Variants in PPP1R16A observed in about 807,000 individuals in gnomAD.
The protein encoded by PPP1R16A is myosin phosphatase-targeting subunit 3.
In PPP1R16A, 39 loss-of-function variants were observed where a neutral mutation model predicts 46.6. The observed-to-expected ratio is 0.84, with a 90% confidence interval of 0.65 to 1.09. The LOEUF (loss-of-function observed/expected upper bound fraction) is 1.09, where lower values mean the gene tolerates loss of function less well. PPP1R16A is among the 50% of genes least tolerant of loss of function. The pLI, the probability that PPP1R16A is intolerant of heterozygous loss-of-function variation, is 0.00. For missense variants in PPP1R16A, 798 were observed against 735.6 expected, an observed-to-expected ratio of 1.08 and a Z score of -0.98; for synonymous variants, 413 against 321.5, an observed-to-expected ratio of 1.28 and a Z score of -3.04.
chr8:144,501,726 A>G lies in PPP1R16A; in HGVS notation c.1410A>G (p.Arg470=), dbSNP rs754312657. 9 of 1,587,506 alleles carry G rather than the reference A, an allele frequency of 5.7e-6. No homozygotes were observed. The highest frequency in any genetic ancestry group is 6.0e-6 in the Non-Finnish European group (7 of 1,168,350). Residue 470 remains arginine, a synonymous_variant, in exon 12 of 12, where the codon CGA becomes CGG. Coordinates refer to ENST00000435887, the MANE Select transcript of PPP1R16A (RefSeq NM_001329443.2). Reference sequence around the variant, plus strand: ...AGCGAGCTGCTGCCAAGCTGCAGCGACCCCCACCTGAGGGGCCCGAGAGCC... The same window carrying G: ...AGCGAGCTGCTGCCAAGCTGCAGCGGCCCCCACCTGAGGGGCCCGAGAGCC... ...KRQRAAAKLQ[R]PPPEGPESPE...
intron 2 of PPP1R16A, among the ~76,000 whole-genome samples, chr8:144,490,492 C>T (rs1343201784): frequency 2.8e-5 from 4 of 145,098 alleles, no homozygotes; most frequent in African/African-American, 5.0e-5. Context: ...GGTGACAGAG[C>T]GAGACCCTGT....
chr8:144,478,323 G>A (rs1242425268), intron 1 of PPP1R16A, 196 bp downstream of exon 1: 3 of 378,580 alleles, frequency 7.9e-6, no homozygotes, highest in Non-Finnish European at 1.4e-5. Context: ...CGAAGGGAGA[G>A]AGGAGGCTGG....
chr8:144,484,531 G>A (rs1286507332), intron 1 of PPP1R16A, among the ~76,000 whole-genome samples: 1 of 152,246 alleles, frequency 6.6e-6, no homozygotes, highest in African/African-American at 2.4e-5. Flanking sequence ...CTTTTCAAAT[G>A]CAGATGCCTC....
At chr8:144,497,623 G>A (rs772309288) in intron 3 of PPP1R16A, 170 bp downstream of exon 3, 14 of 924,754 alleles carry the variant, frequency 1.5e-5, no homozygotes, top group Non-Finnish European at 2.2e-5. Context: ...CCCCCATCAG[G>A]CAAGCCCCAA....
intron 11 of PPP1R16A, 75 bp downstream of exon 11, chr8:144,501,369 C>T: frequency 6.7e-7 from 1 of 1,501,084 alleles, no homozygotes; most frequent in Non-Finnish European, 8.9e-7. Context: ...CCGCTTGGAC[C>T]CCCTCCTGCC....
chr8:144,500,031 C>T (rs1826330863), intron 5 of PPP1R16A, 65 bp from the exon 6 acceptor site: 2 of 1,522,488 alleles, frequency 1.3e-6, no homozygotes, highest in Non-Finnish European at 1.8e-6. Flanking sequence ...GGGACTTCTC[C>T]AAGTGAGGAG....
chr8:144,499,462 G>C (rs544976301), intron 5 of PPP1R16A: 12 of 213,636 alleles, frequency 5.6e-5, no homozygotes, highest in East Asian at 5.6e-4. Flanking sequence ...GACGTAGAGC[G>C]GGGGGAACTC....
At chr8:144,481,598 C>T (rs566461568) in intron 1 of PPP1R16A, among the ~76,000 whole-genome samples, 3 of 151,912 alleles carry the variant, frequency 2.0e-5, no homozygotes, top group East Asian at 2.0e-4. Flanking sequence ...GAGCCGAGAT[C>T]GCACCATTGC....
chr8:144,488,719 G>A (rs1825700873), intron 1 of PPP1R16A, among the ~76,000 whole-genome samples: 1 of 152,120 alleles, frequency 6.6e-6, no homozygotes, highest in African/African-American at 2.4e-5. Flanking sequence ...GGCTGGTGCT[G>A]GGTGGTTGGT....
Position 144,491,244 on chromosome 8 carries a change from A to T in PPP1R16A, c.-735+1032A>T, listed in dbSNP as rs115176078. Reference sequence around the variant, plus strand: ...GTTATTCTACAGAATGGCTACACAGATATTTTTCCCAGAATGATGGGCATC... The same window carrying T: ...GTTATTCTACAGAATGGCTACACAGTTATTTTTCCCAGAATGATGGGCATC... On this transcript the variant is annotated intron_variant, in intron 2 of 11. Transcript: ENST00000435887. 7.5e-3 allele frequency among the ~76,000 whole-genome samples: 1,140 copies of T among 152,222 alleles called. 6 individuals are homozygous for T. Among genetic ancestry groups the T allele is most frequent in the African/African-American group, 0.02 (825 of 41,524 alleles).
chr8:144,497,729 A>G (rs756545836), intron 3 of PPP1R16A: 1 of 577,432 alleles, frequency 1.7e-6, no homozygotes, highest in South Asian at 1.8e-5. Flanking sequence ...AGCTGAGGCC[A>G]TGAGTGGACC....
Position 144,483,338 on chromosome 8 carries a change from C to T in PPP1R16A, c.-914+5211C>T, listed in dbSNP as rs146452089. Among the ~76,000 whole-genome samples, 380 of 152,324 alleles carry T rather than the reference C, an allele frequency of 2.5e-3. 5 individuals are homozygous for T. Among genetic ancestry groups the T allele is most frequent in the African/African-American group, 8.8e-3 (367 of 41,568 alleles). ...CTCCTGTTTCATGCATCATCAGTCTCCTTCATCACGTGAATTTTTTGAACT... is the reference window on the plus strand; with the variant it reads ...CTCCTGTTTCATGCATCATCAGTCTTCTTCATCACGTGAATTTTTTGAACT... On this transcript the variant is annotated intron_variant, in intron 1 of 11. Transcript: ENST00000435887.
chr8:144,501,713 C>T lies in PPP1R16A; in HGVS notation c.1397C>T (p.Ala466Val), dbSNP rs750626811. ...GACCTGAAGCGCCAGCGAGCTGCTGCCAAGCTGCAGCGACCCCCACCTGAG... is the reference window on the plus strand; with the variant it reads ...GACCTGAAGCGCCAGCGAGCTGCTGTCAAGCTGCAGCGACCCCCACCTGAG... ...LADLKRQRAA[A>V]KLQRPPPEGP... Residue 466 changes from alanine (A) to valine (V), a missense_variant, in exon 12 of 12, where the codon GCC (alanine) becomes GTC (valine). Physicochemically the swap from Ala to Val is moderately conservative, Grantham distance 64. Coordinates refer to ENST00000435887, the MANE Select transcript of PPP1R16A (RefSeq NM_001329443.2). The T allele has an allele frequency of 3.8e-6, 6 of 1,598,014 alleles. No individual in the cohort carries two copies. The highest frequency in any genetic ancestry group is 4.3e-6 in the Non-Finnish European group (5 of 1,173,382).
At chr8:144,490,586 C>T (rs542782440) in intron 2 of PPP1R16A, among the ~76,000 whole-genome samples, 1 of 152,160 alleles carries the variant, frequency 6.6e-6, no homozygotes, top group African/African-American at 2.4e-5. Context: ...GGAGAAGCCT[C>T]CCATCCAGCC....
chr8:144,497,546 G>T (rs779405940), intron 3 of PPP1R16A, 93 bp downstream of exon 3: 1 of 1,544,542 alleles, frequency 6.5e-7, no homozygotes, highest in Admixed American at 1.7e-5. Flanking sequence ...GGCTGGGCCT[G>T]TCCACAGCTC....
Position 144,496,835 on chromosome 8 carries a change from ATTAG to A in PPP1R16A, c.-357_-354del. The A allele has an allele frequency of 3.1e-6, 1 of 322,104 alleles. No homozygotes were observed. Among genetic ancestry groups the A allele is most frequent in the South Asian group, 4.1e-5 (1 of 24,478 alleles). 20.0% of individuals were successfully genotyped at this position (322,104 alleles called of 1,614,324 possible). On this transcript the variant is annotated 5_prime_UTR_variant, in exon 3 of 12. Transcript: ENST00000435887. ...AAGCTGGAACCTTGTTATCTGGGTA[ATTAG>A]TTTCAGACCCTGCACTGAGGCCGGC...
At chr8:144,480,294 C>T (rs1464892917) in intron 1 of PPP1R16A, among the ~76,000 whole-genome samples, 6 of 152,182 alleles carry the variant, frequency 3.9e-5, no homozygotes, top group Non-Finnish European at 7.3e-5. Context: ...ACATTTTAGG[C>T]TTTGCTGACC....
rs778949454 is a variant in PPP1R16A, at chr8:144,501,309, C to T, written c.1203+15C>T. 6.4e-7 allele frequency: 1 copy of T among 1,560,930 alleles called. No homozygotes were observed. The highest frequency in any genetic ancestry group is 1.2e-5 in the South Asian group (1 of 86,674). ...CGCCCCCGGAGGTGAGCGCCCCGTC[C>T]CTGCTCCGCCCAGCGCAGGGGTGGG... On this transcript the variant is annotated intron_variant, in intron 11 of 11. Transcript: ENST00000435887.
chr8:144,497,769 G>C, intron 3 of PPP1R16A: 2 of 484,850 alleles, frequency 4.1e-6, no homozygotes, highest in Non-Finnish European at 7.7e-6. Context: ...ACCTAGTGCG[G>C]GGCCCCACGG....
Sources: allele counts gnomAD v4.1 joint callset (sites outside exome capture counted in the v4.1 genomes callset), GRCh38; gene constraint gnomAD v4.1.1; transcripts MANE v1.5; gene names NCBI Gene and HGNC (gene_info 2026-07-23, HGNC 2026-07-21).